The following ATRNL1 variants were observed in gnomAD, a reference collection of about 807,000 sequenced individuals.
ATRNL1 encodes attractin-like protein 1.
A neutral mutation model predicts 182.7 loss-of-function variants in ATRNL1; 95 were observed. The observed-to-expected ratio is 0.52, with a 90% CI of 0.44 to 0.62. ATRNL1 has a LOEUF of 0.62. Ranked by LOEUF, ATRNL1 falls within the 20% of genes least tolerant of loss-of-function variation. The probability of loss-of-function intolerance (pLI) is 0.00; values close to 1 mark genes in which losing one functional copy is unlikely to be tolerated. For synonymous variants in ATRNL1, 576 were observed against 568.3 expected (o/e 1.01, Z -0.19); for missense variants, 1,471 against 1,679.5 (o/e 0.88, Z 2.17).
At chr10:115,375,142 T>C (rs1017954951) in intron 19 of ATRNL1, among the ~76,000 whole-genome samples, 4 of 151,812 alleles carry the variant, frequency 2.6e-5, no homozygotes, top group Admixed American at 6.6e-5. Context: ...ATATTTTCTT[T>C]ATATATATAG....
intron 9 of ATRNL1, among the ~76,000 whole-genome samples, chr10:115,225,789 T>A (rs1183003218): frequency 1.3e-5 from 2 of 151,540 alleles, no homozygotes; most frequent in African/African-American, 4.8e-5. Flanking sequence ...AGATGTCTAT[T>A]CTGCCCAAAT....
intron 1 of ATRNL1, 44 bp downstream of exon 1, chr10:115,094,087 T>A: frequency 7.5e-7 from 1 of 1,332,308 alleles, no homozygotes. Context: ...CCTGCCTCGC[T>A]CCCGTCGCGG....
intron 27 of ATRNL1, among the ~76,000 whole-genome samples, chr10:115,838,756 C>A (rs569529740): frequency 6.6e-6 from 1 of 151,716 alleles, no homozygotes; most frequent in East Asian, 2.0e-4. Context: ...TGTTGAGAAG[C>A]AGAGAAAAGG....
chr10:115,837,030 T>C (rs1399042333), intron 27 of ATRNL1, among the ~76,000 whole-genome samples: 1 of 152,114 alleles, frequency 6.6e-6, no homozygotes, highest in African/African-American at 2.4e-5. Flanking sequence ...AAAGGATCAT[T>C]ACCCAGACTC....
At chr10:115,225,611 T>C (rs1442004798) in intron 9 of ATRNL1, among the ~76,000 whole-genome samples, 3 of 150,772 alleles carry the variant, frequency 2.0e-5, no homozygotes, top group South Asian at 2.1e-4. Flanking sequence ...AAAAATAATA[T>C]AATTTATGTC....
chr10:115,362,774 G>A (rs1442741088), intron 19 of ATRNL1, among the ~76,000 whole-genome samples: 2 of 151,608 alleles, frequency 1.3e-5, no homozygotes. Flanking sequence ...TGCAGTGTTT[G>A]GTTTTTTGTT....
chr10:115,470,626 T>C (rs1483114591), intron 24 of ATRNL1, among the ~76,000 whole-genome samples: 2 of 150,608 alleles, frequency 1.3e-5, no homozygotes, highest in Non-Finnish European at 3.0e-5. Flanking sequence ...GAAAAAAAAT[T>C]ACATAGTTAT....
chr10:115,906,725 A>G (rs1555114635), intron 28 of ATRNL1, among the ~76,000 whole-genome samples: 2 of 152,182 alleles, frequency 1.3e-5, no homozygotes, highest in African/African-American at 4.8e-5. Context: ...GCCTCCCCCT[A>G]GAATTTCAGC....
intron 22 of ATRNL1, 45 bp from the exon 23 acceptor site, chr10:115,467,129 A>T: frequency 2.0e-6 from 2 of 996,828 alleles, no homozygotes; most frequent in Non-Finnish European, 3.2e-6. Context: ...ATATATATCT[A>T]GTGTAATTTT....
intron 26 of ATRNL1, among the ~76,000 whole-genome samples, chr10:115,667,141 T>C (rs149460902): frequency 1.3e-3 from 204 of 152,186 alleles, no homozygotes; most frequent in African/African-American, 4.6e-3. Flanking sequence ...AAGCTGACTG[T>C]AGTTACTATG....
chr10:115,370,611 C>G (rs544852674), intron 19 of ATRNL1, among the ~76,000 whole-genome samples: 14 of 152,176 alleles, frequency 9.2e-5, no homozygotes, highest in Non-Finnish European at 1.8e-4. Context: ...TTTAGGGTAT[C>G]TGGTGGAAGA....
intron 28 of ATRNL1, among the ~76,000 whole-genome samples, chr10:115,872,631 T>C (rs1031174964): frequency 1.3e-5 from 2 of 152,188 alleles, no homozygotes; most frequent in Non-Finnish European, 2.9e-5. Flanking sequence ...TCAAGCAGCT[T>C]AAGCAAGGCT....
At chr10:115,270,901 A>G (rs1851831780) in intron 13 of ATRNL1, among the ~76,000 whole-genome samples, 1 of 152,122 alleles carries the variant, frequency 6.6e-6, no homozygotes, top group Non-Finnish European at 1.5e-5. Context: ...ATACATATCT[A>G]CATAAACCAT....
intron 20 of ATRNL1, among the ~76,000 whole-genome samples, chr10:115,400,215 C>G (rs1844500199): frequency 6.6e-6 from 1 of 151,924 alleles, no homozygotes; most frequent in Non-Finnish European, 1.5e-5. Context: ...TAAAACTGGA[C>G]CTCTTCCTTA....
chr10:115,507,965 C>T (rs1439552807), intron 24 of ATRNL1, among the ~76,000 whole-genome samples: 1 of 151,950 alleles, frequency 6.6e-6, no homozygotes, highest in Non-Finnish European at 1.5e-5. Flanking sequence ...TTGTATTTTA[C>T]TTCGCATTAT....
intron 26 of ATRNL1, among the ~76,000 whole-genome samples, chr10:115,611,054 C>CTTTTTTT (rs3086300): frequency 0.016 from 2,400 of 147,058 alleles, 41 homozygotes; most frequent in African/African-American, 0.042. Flanking sequence ...TTTCAAAGGA[C>CTTTTTTT]TTTTTTTTTT....
chr10:115,700,209 TG>T (rs1946688563), intron 26 of ATRNL1, among the ~76,000 whole-genome samples: 1 of 151,820 alleles, frequency 6.6e-6, no homozygotes, highest in Middle Eastern at 3.2e-3. Context: ...TACCCAGTAA[TG>T]GGATTGCTGG....
intron 28 of ATRNL1, among the ~76,000 whole-genome samples, chr10:115,943,514 G>T (rs751637271): frequency 9.2e-5 from 14 of 151,820 alleles, no homozygotes; most frequent in Non-Finnish European, 2.1e-4. Context: ...CTAAAACACT[G>T]ACAACAACAA....
chr10:115,468,055 A>G (rs1343923302), intron 23 of ATRNL1, among the ~76,000 whole-genome samples: 1 of 150,772 alleles, frequency 6.6e-6, no homozygotes, highest in African/African-American at 2.4e-5. Context: ...GAATTCAAGA[A>G]TTAAGAGCTC....
Sources: allele counts gnomAD v4.1 joint callset (sites outside exome capture counted in the v4.1 genomes callset), GRCh38; gene constraint gnomAD v4.1.1; transcripts MANE v1.5; gene names NCBI Gene and HGNC (gene_info 2026-07-23, HGNC 2026-07-21).